L3MBTL4: variants seen among roughly 807,000 people sequenced by gnomAD.
The protein encoded by L3MBTL4 is lethal(3)malignant brain tumor-like protein 4.
Under a neutral mutation model 84.5 loss-of-function variants are expected in L3MBTL4, and 70 were observed. The ratio of observed to expected loss-of-function variants is 0.83; its 90% CI spans 0.68 to 1.01. L3MBTL4 has a LOEUF of 1.01. Ranked by LOEUF, L3MBTL4 falls within the 50% of genes least tolerant of loss-of-function variation. The pLI is 0.00. For synonymous variants in L3MBTL4, 274 were observed against 259.8 expected, an observed-to-expected ratio of 1.05 and a Z score of -0.52; for missense variants, 715 against 754.8, an observed-to-expected ratio of 0.95 and a Z score of 0.62.
At chr18:6,341,562 G>A (rs1483754200) in intron 1 of L3MBTL4, among the ~76,000 whole-genome samples, 1 of 151,814 alleles carries the variant, frequency 6.6e-6, no homozygotes, top group Non-Finnish European at 1.5e-5. Context: ...TCAAAGACAG[G>A]TTATTTAAAA....
chr18:6,053,006 C>T (rs545338519), intron 16 of L3MBTL4, among the ~76,000 whole-genome samples: 92 of 152,300 alleles, frequency 6.0e-4, no homozygotes, highest in African/African-American at 2.0e-3. Flanking sequence ...ATTTATCATT[C>T]GGAAGAACAA....
At chr18:6,254,070 C>T (rs1262381407) in intron 5 of L3MBTL4, among the ~76,000 whole-genome samples, 1 of 152,052 alleles carries the variant, frequency 6.6e-6, no homozygotes, top group African/African-American at 2.4e-5. Context: ...TGTCTTCGGG[C>T]GTTCTAGAAT....
At chr18:6,108,212 C>T (rs2059076616) in intron 14 of L3MBTL4, among the ~76,000 whole-genome samples, 2 of 152,096 alleles carry the variant, frequency 1.3e-5, no homozygotes, top group Non-Finnish European at 2.9e-5. Context: ...AGCACATATG[C>T]CTTAGTCTAA....
At chr18:5,963,228 C>T (rs2052152530) in intron 17 of L3MBTL4, among the ~76,000 whole-genome samples, 1 of 152,122 alleles carries the variant, frequency 6.6e-6, no homozygotes, top group African/African-American at 2.4e-5. Flanking sequence ...CATACTTGCC[C>T]AAAGGACTGT....
intron 1 of L3MBTL4, among the ~76,000 whole-genome samples, chr18:6,386,146 T>G (rs1181129441): frequency 2.6e-5 from 4 of 152,208 alleles, no homozygotes; most frequent in Admixed American, 6.5e-5. Flanking sequence ...GGAGAAAGCC[T>G]GCACTACAAC....
chr18:6,338,212 G>A (rs139433697), intron 1 of L3MBTL4, among the ~76,000 whole-genome samples: 84 of 151,960 alleles, frequency 5.5e-4, no homozygotes, highest in African/African-American at 1.9e-3. Context: ...GAAGAAAAGC[G>A]GAGGAGGAGA....
At chr18:6,092,277 A>T (rs570484518) in intron 15 of L3MBTL4, among the ~76,000 whole-genome samples, 4 of 152,366 alleles carry the variant, frequency 2.6e-5, no homozygotes, top group Non-Finnish European at 2.9e-5. Flanking sequence ...TCCACAGTCC[A>T]GGATGTAAAA....
chr18:6,019,992 C>T (rs73938712), intron 16 of L3MBTL4, among the ~76,000 whole-genome samples: 3,117 of 152,236 alleles, frequency 0.02, 110 homozygotes, highest in African/African-American at 0.072. Context: ...TCTTGAGTAC[C>T]TACTGTGTGC....
intron 5 of L3MBTL4, among the ~76,000 whole-genome samples, chr18:6,261,979 G>T (rs1185056603): frequency 6.6e-6 from 1 of 152,134 alleles, no homozygotes; most frequent in East Asian, 1.9e-4. Flanking sequence ...GTGGGGGGGT[G>T]GGGTGTAAGA....
At chr18:6,282,061 G>T (rs559884567) in intron 4 of L3MBTL4, among the ~76,000 whole-genome samples, 3 of 152,138 alleles carry the variant, frequency 2.0e-5, no homozygotes, top group Admixed American at 2.0e-4. Flanking sequence ...ATGGGATAGC[G>T]TCCAACCAGC....
intron 4 of L3MBTL4, among the ~76,000 whole-genome samples, chr18:6,265,400 T>C (rs2048586511): frequency 6.6e-6 from 1 of 152,206 alleles, no homozygotes; most frequent in Non-Finnish European, 1.5e-5. Context: ...TAGGATTACA[T>C]ACTAAGAGAG....
intron 10 of L3MBTL4, among the ~76,000 whole-genome samples, chr18:6,231,894 T>C (rs1462040700): frequency 6.6e-6 from 1 of 152,050 alleles, no homozygotes; most frequent in East Asian, 1.9e-4. Flanking sequence ...TATTTCACTT[T>C]CTTACCAAAT....
intron 1 of L3MBTL4, among the ~76,000 whole-genome samples, chr18:6,342,219 T>A (rs1051530313): frequency 6.6e-6 from 1 of 152,148 alleles, no homozygotes; most frequent in African/African-American, 2.4e-5. Context: ...GGTAAGCACA[T>A]AATCAAATTC....
At chr18:6,175,587 T>C (rs1224272310) in intron 12 of L3MBTL4, among the ~76,000 whole-genome samples, 4 of 152,158 alleles carry the variant, frequency 2.6e-5, no homozygotes, top group African/African-American at 9.7e-5. Flanking sequence ...AGAAGAAAAG[T>C]AATGTGGTCA....
chr18:6,123,548 G>C (rs57874682), intron 14 of L3MBTL4, among the ~76,000 whole-genome samples: 23,149 of 151,998 alleles, frequency 0.15, 1,868 homozygotes, highest in Middle Eastern at 0.21. Context: ...CTACTCCTTC[G>C]CCTTCCACCA....
rs778142125 is a variant in L3MBTL4, at chr18:6,244,548, C to A, written c.260G>T (p.Gly87Val). The A allele has an allele frequency of 6.2e-7, 1 of 1,613,910 alleles. No individual in the cohort carries two copies. Among genetic ancestry groups the A allele is most frequent in the South Asian group, 1.1e-5 (1 of 91,056 alleles). ...FPEHENGFQI[G>V]MRLEGIDPRH... Reference sequence around the variant, plus strand: ...GGGATCAATGCCTTCTAATCTCATTCCAATCTGAAAACCATTTTCATGCTC... The same window carrying A: ...GGGATCAATGCCTTCTAATCTCATTACAATCTGAAAACCATTTTCATGCTC... Residue 87 changes from glycine to valine, a missense_variant, in exon 6 of 19, where the codon GGA becomes GTA. Coordinates refer to ENST00000317931, the MANE Select transcript of L3MBTL4 (RefSeq NM_001330559.2).
intron 1 of L3MBTL4, chr18:6,397,494 C>T (rs1223349696): frequency 1.3e-5 from 2 of 152,216 alleles, no homozygotes; most frequent in African/African-American, 4.8e-5. Flanking sequence ...ATTGAAAAAT[C>T]TCTATCAAGA....
chr18:6,183,018 A>G (rs934200334), intron 12 of L3MBTL4, among the ~76,000 whole-genome samples: 18 of 152,240 alleles, frequency 1.2e-4, no homozygotes, highest in African/African-American at 9.6e-5. Flanking sequence ...ATATATCTAC[A>G]TAAGTTTCCA....
At chr18:6,004,626 T>C (rs1237790343) in intron 16 of L3MBTL4, among the ~76,000 whole-genome samples, 1 of 152,204 alleles carries the variant, frequency 6.6e-6, no homozygotes, top group Non-Finnish European at 1.5e-5. Context: ...CACTGATAGA[T>C]GAACAGATAA....
Sources: allele counts gnomAD v4.1 joint callset (sites outside exome capture counted in the v4.1 genomes callset), GRCh38; gene constraint gnomAD v4.1.1; transcripts MANE v1.5; gene names NCBI Gene and HGNC (gene_info 2026-07-23, HGNC 2026-07-21).